Variants in HPSE2 observed in about 807,000 individuals in gnomAD.
The protein encoded by HPSE2 is inactive heparanase-2.
HPSE2 carries 38 observed loss-of-function variants against 60.5 expected under a neutral mutation model. The observed-to-expected ratio is 0.63, with a 90% CI of 0.48 to 0.82. HPSE2 has a LOEUF of 0.82. Among genes scored for constraint, HPSE2 ranks in the 40% least tolerant of loss-of-function variants. The pLI is 0.00. For missense variants in HPSE2, 713 were observed against 740.4 expected (o/e 0.96, Z 0.43); for synonymous variants, 295 against 293.2 (o/e 1.01, Z -0.06).
At chr10:98,544,739 A>T (rs935242433) in intron 9 of HPSE2, among the ~76,000 whole-genome samples, 26 of 136,800 alleles carry the variant, frequency 1.9e-4, no homozygotes, top group African/African-American at 7.0e-4. Context: ...AAAAAAAAAA[A>T]AAGAACTAGA....
intron 5 of HPSE2, among the ~76,000 whole-genome samples, chr10:98,714,104 G>T (rs565747293): frequency 6.6e-6 from 1 of 151,916 alleles, no homozygotes; most frequent in East Asian, 1.9e-4. Context: ...ATCCTTAATT[G>T]ATTCTCTATA....
intron 3 of HPSE2, among the ~76,000 whole-genome samples, chr10:98,910,669 A>G (rs1273003081): frequency 6.6e-6 from 1 of 152,220 alleles, no homozygotes; most frequent in Non-Finnish European, 1.5e-5. Flanking sequence ...CTCAGTGTCA[A>G]CGTATTGCTT....
chr10:99,198,570 A>T (rs1036064954), intron 2 of HPSE2, among the ~76,000 whole-genome samples: 2 of 152,204 alleles, frequency 1.3e-5, no homozygotes, highest in Non-Finnish European at 2.9e-5. Flanking sequence ...GAAATGGCAA[A>T]TCACTACTCA....
intron 3 of HPSE2, among the ~76,000 whole-genome samples, chr10:99,002,322 T>TAA (rs1305399617): frequency 6.6e-6 from 1 of 152,092 alleles, no homozygotes; most frequent in Non-Finnish European, 1.5e-5. Flanking sequence ...CTCCACTCTT[T>TAA]AAGTGTGGGC....
intron 4 of HPSE2, among the ~76,000 whole-genome samples, chr10:98,740,966 A>T (rs1378612025): frequency 6.6e-6 from 1 of 152,228 alleles, no homozygotes; most frequent in East Asian, 1.9e-4. Flanking sequence ...ATTCTAGTAC[A>T]AGAAAAACTA....
intron 2 of HPSE2, among the ~76,000 whole-genome samples, chr10:99,217,256 G>GAA (rs1849160769): frequency 6.8e-6 from 1 of 147,834 alleles, no homozygotes; most frequent in Admixed American, 6.7e-5. Flanking sequence ...TGGTTCCCGG[G>GAA]CCAGGAGGAG....
At chr10:98,876,055 C>T (rs772512357) in intron 3 of HPSE2, among the ~76,000 whole-genome samples, 3 of 151,674 alleles carry the variant, frequency 2.0e-5, no homozygotes, top group Non-Finnish European at 2.9e-5. Flanking sequence ...AATAATGGTA[C>T]CTACTTAATG....
chr10:98,541,303 TAACA>T (rs1297486834), intron 9 of HPSE2, among the ~76,000 whole-genome samples: 1 of 152,098 alleles, frequency 6.6e-6, no homozygotes, highest in Non-Finnish European at 1.5e-5. Context: ...GCAATTGCCT[TAACA>T]AACCACTTAA....
chr10:99,121,076 C>A (rs117269431), intron 3 of HPSE2, among the ~76,000 whole-genome samples: 1 of 152,056 alleles, frequency 6.6e-6, no homozygotes, highest in African/African-American at 2.4e-5. Context: ...CAATGGTAGA[C>A]AGAATAAAGA....
intron 2 of HPSE2, among the ~76,000 whole-genome samples, chr10:99,154,209 C>A (rs1208135863): frequency 7.1e-6 from 1 of 141,340 alleles, no homozygotes; most frequent in Non-Finnish European, 1.6e-5. Flanking sequence ...CTTCCCCAAT[C>A]TAGCAAGGCA....
At chr10:98,945,483 G>A (rs1042609935) in intron 3 of HPSE2, among the ~76,000 whole-genome samples, 4 of 152,114 alleles carry the variant, frequency 2.6e-5, no homozygotes, top group Admixed American at 2.0e-4. Context: ...CCAATAAAGA[G>A]GAAATGCAGT....
At chr10:98,849,823 C>CA (rs1484722940) in intron 3 of HPSE2, among the ~76,000 whole-genome samples, 2 of 152,118 alleles carry the variant, frequency 1.3e-5, no homozygotes, top group African/African-American at 4.8e-5. Flanking sequence ...CGGCTCACTG[C>CA]AACCTCCGCC....
intron 9 of HPSE2, among the ~76,000 whole-genome samples, chr10:98,579,933 C>T (rs761015001): frequency 1.1e-4 from 16 of 152,208 alleles, no homozygotes; most frequent in Non-Finnish European, 1.5e-4. Context: ...CATTCTTTTG[C>T]TCCAATCTGG....
At chr10:98,803,611 T>C (rs1358477888) in intron 3 of HPSE2, among the ~76,000 whole-genome samples, 3 of 151,950 alleles carry the variant, frequency 2.0e-5, no homozygotes, top group Non-Finnish European at 4.4e-5. Flanking sequence ...TTCTCAGGTT[T>C]GTCAAAGATC....
intron 3 of HPSE2, among the ~76,000 whole-genome samples, chr10:99,099,913 AG>A (rs1358578887): frequency 6.6e-6 from 1 of 152,246 alleles, no homozygotes; most frequent in Non-Finnish European, 1.5e-5. Flanking sequence ...AAACTCCAGC[AG>A]AACTGCAGCT....
chr10:98,826,086 TATCTATC>T (rs1159537617), intron 3 of HPSE2, among the ~76,000 whole-genome samples: 1 of 152,242 alleles, frequency 6.6e-6, no homozygotes, highest in Non-Finnish European at 1.5e-5. Context: ...CTCTGCATTG[TATCTATC>T]ATCATTTGAT....
chr10:98,584,838 T>G lies in HPSE2; in HGVS notation c.1320+30066A>C, dbSNP rs189303401. On this transcript the variant is annotated intron_variant, in intron 9 of 11. Coordinates refer to ENST00000370552, the MANE Select transcript of HPSE2 (RefSeq NM_021828.5). ...AAAGCTAAGATTTGACAGTGGATAT[T>G]TGTGAAAGGAAGCCTGCAACCCCAC... 4.2e-4 allele frequency among the ~76,000 whole-genome samples: 64 copies of G among 152,226 alleles called. 2 individuals are homozygous for G. The highest frequency in any genetic ancestry group is 1.2e-4 in the Non-Finnish European group (8 of 68,008).
intron 3 of HPSE2, among the ~76,000 whole-genome samples, chr10:98,875,816 T>C (rs547263569): frequency 1.3e-4 from 20 of 152,126 alleles, no homozygotes; most frequent in African/African-American, 4.8e-4. Context: ...TAGGTGATTA[T>C]CTCTCAAAAA....
intron 11 of HPSE2, among the ~76,000 whole-genome samples, chr10:98,480,862 A>G (rs975323272): frequency 6.6e-6 from 1 of 152,016 alleles, no homozygotes; most frequent in Admixed American, 6.5e-5. Context: ...AAGGAAGGCA[A>G]TGGATATTTA....
Sources: allele counts gnomAD v4.1 joint callset (sites outside exome capture counted in the v4.1 genomes callset), GRCh38; gene constraint gnomAD v4.1.1; transcripts MANE v1.5; gene names NCBI Gene and HGNC (gene_info 2026-07-23, HGNC 2026-07-21).